The following TECPR2 variants were observed in gnomAD, a reference collection of about 807,000 sequenced individuals.
The protein encoded by TECPR2 is tectonin beta-propeller repeat-containing protein 2.
Under a neutral mutation model 138.1 loss-of-function variants are expected in TECPR2, and 65 were observed. The observed-to-expected ratio is 0.47, with a 90% CI of 0.39 to 0.58. The LOEUF (loss-of-function observed/expected upper bound fraction) is 0.58, where lower values mean the gene tolerates loss of function less well. TECPR2 is among the 20% of genes least tolerant of loss of function. The pLI, the probability that TECPR2 is intolerant of heterozygous loss-of-function variation, is 0.00. For synonymous variants in TECPR2, 746 were observed against 749.8 expected, an observed-to-expected ratio of 0.99 and a Z score of 0.08; for missense variants, 1,553 against 1,824.5, an observed-to-expected ratio of 0.85 and a Z score of 2.71.
At chr14:102,378,005 G>T (rs916257413) in intron 2 of TECPR2, among the ~76,000 whole-genome samples, 1 of 152,214 alleles carries the variant, frequency 6.6e-6, no homozygotes, top group African/African-American at 2.4e-5. Flanking sequence ...GTGTATTGTA[G>T]ATATTGGTGG....
At chr14:102,464,602 C>G (rs1310937036) in intron 16 of TECPR2, among the ~76,000 whole-genome samples, 1 of 152,126 alleles carries the variant, frequency 6.6e-6, no homozygotes, top group East Asian at 1.9e-4. Context: ...CCAAACTGGT[C>G]TTGAACTTCT....
At chr14:102,374,668 G>A (rs1489921749) in intron 1 of TECPR2, among the ~76,000 whole-genome samples, 1 of 152,174 alleles carries the variant, frequency 6.6e-6, no homozygotes, top group Non-Finnish European at 1.5e-5. Context: ...TAGGACTACA[G>A]GCATGTAGCA....
At chr14:102,445,065 C>T (rs1158875061) in intron 12 of TECPR2, among the ~76,000 whole-genome samples, 2 of 152,212 alleles carry the variant, frequency 1.3e-5, no homozygotes, top group Admixed American at 1.3e-4. Context: ...TCATGGGGGC[C>T]CCGTGCATGG....
At chr14:102,417,648 A>G (rs1889061146) in intron 5 of TECPR2, among the ~76,000 whole-genome samples, 1 of 152,232 alleles carries the variant, frequency 6.6e-6, no homozygotes, top group African/African-American at 2.4e-5. Flanking sequence ...CAATTGGGCA[A>G]GAGCTTAGAT....
At chr14:102,398,843 A>G (rs1888389289) in intron 2 of TECPR2, among the ~76,000 whole-genome samples, 1 of 152,112 alleles carries the variant, frequency 6.6e-6, no homozygotes, top group Admixed American at 6.5e-5. Context: ...CTACCGAATG[A>G]GACCCTGTCT....
chr14:102,422,434 T>C (rs1349243798), intron 5 of TECPR2, among the ~76,000 whole-genome samples: 1 of 152,234 alleles, frequency 6.6e-6, no homozygotes, highest in Non-Finnish European at 1.5e-5. Context: ...AGTTGTAGTT[T>C]CTAAGAACCT....
intron 17 of TECPR2, among the ~76,000 whole-genome samples, chr14:102,487,848 T>G (rs1407306750): frequency 7.7e-6 from 1 of 129,268 alleles, no homozygotes; most frequent in African/African-American, 2.8e-5. Flanking sequence ...GCCTGTTTGT[T>G]TTTTTTTTTT....
chr14:102,374,363 CTTTTA>C (rs1237215126), intron 1 of TECPR2, among the ~76,000 whole-genome samples: 2 of 152,030 alleles, frequency 1.3e-5, no homozygotes, highest in African/African-American at 4.8e-5. Flanking sequence ...GCATATTTTC[CTTTTA>C]TTTATTTATT....
At chr14:102,379,033 C>T (rs757301834) in intron 2 of TECPR2, among the ~76,000 whole-genome samples, 39 of 152,158 alleles carry the variant, frequency 2.6e-4, no homozygotes, top group Admixed American at 4.6e-4. Flanking sequence ...AAAACCATTA[C>T]GTAATCTTTC....
At chr14:102,468,227 G>A (rs542812497) in intron 17 of TECPR2, among the ~76,000 whole-genome samples, 1 of 151,956 alleles carries the variant, frequency 6.6e-6, no homozygotes, top group Admixed American at 6.6e-5. Flanking sequence ...TTGCTCTGTC[G>A]CCCAGGCTGG....
chr14:102,497,439 C>T, intron 18 of TECPR2, 131 bp from the exon 19 acceptor site: 2 of 1,274,436 alleles, frequency 1.6e-6, no homozygotes, highest in Non-Finnish European at 2.1e-6. Context: ...GCCCCAAGCC[C>T]AGCCCATCAT....
At chr14:102,399,859 A>G (rs1021992449) in intron 2 of TECPR2, among the ~76,000 whole-genome samples, 1 of 151,778 alleles carries the variant, frequency 6.6e-6, no homozygotes, top group Non-Finnish European at 1.5e-5. Flanking sequence ...AAAAAAAAAG[A>G]AAAAGAAATG....
chr14:102,414,892 G>A (rs1366089914), intron 5 of TECPR2, 99 bp downstream of exon 5: 1 of 1,465,446 alleles, frequency 6.8e-7, no homozygotes, highest in African/African-American at 1.4e-5. Context: ...GAGACCTCCT[G>A]TTTGCAAACC....
chr14:102,470,289 A>G (rs1028515476), intron 17 of TECPR2, among the ~76,000 whole-genome samples: 3 of 149,268 alleles, frequency 2.0e-5, no homozygotes, highest in Non-Finnish European at 3.0e-5. Flanking sequence ...CTCTTTATTC[A>G]TTATAGGTCT....
At position 102,434,338 on chromosome 14, in the gene TECPR2, G is replaced by T; in HGVS notation, c.1521G>T (p.Met507Ile). 1 of 1,464,482 alleles carries T rather than the reference G, an allele frequency of 6.8e-7. No individual in the cohort carries two copies. The highest frequency in any genetic ancestry group is 9.0e-7 in the Non-Finnish European group (1 of 1,105,006). The allele number at this position is 1,464,482 out of a possible 1,614,324, so 90.7% of individuals were successfully genotyped here. The stretch of plus-strand genomic sequence containing the variant: ...CCTTGAACACAGACTTGCTGTCGAT[G>T]ACCTCAAGTGTCCTGGGCAGTAGCG... Reference protein sequence around the residue: ...PQSLNTDLLSMTSSVLGSSVD... With the variant: ...PQSLNTDLLSITSSVLGSSVD... The change falls in exon 9 of 20, where the codon ATG (methionine) becomes ATT (isoleucine). Residue 507 changes from methionine to isoleucine, a missense_variant. Coordinates refer to ENST00000359520, the MANE Select transcript of TECPR2 (RefSeq NM_014844.5).
intron 17 of TECPR2, among the ~76,000 whole-genome samples, chr14:102,487,793 G>A (rs545403190): frequency 2.7e-4 from 41 of 151,130 alleles, no homozygotes; most frequent in African/African-American, 9.7e-4. Flanking sequence ...CGCCCACCTC[G>A]GCCTCCCAAA....
At chr14:102,437,996 G>C (rs1433349666) in intron 9 of TECPR2, 26 bp from the exon 10 acceptor site, 1 of 1,609,146 alleles carries the variant, frequency 6.2e-7, no homozygotes, top group Non-Finnish European at 8.5e-7. Flanking sequence ...CTCTGCCACA[G>C]AACTCACTGG....
At chr14:102,465,530 AAAT>A (rs1348113564) in intron 17 of TECPR2, 10 of 1,216,602 alleles carry the variant, frequency 8.2e-6, no homozygotes, top group South Asian at 7.2e-5. Context: ...TTCTCTTTCA[AAAT>A]AATAATATTT....
intron 17 of TECPR2, among the ~76,000 whole-genome samples, chr14:102,489,703 CAAAA>C (rs35017559): frequency 2.2e-5 from 3 of 134,046 alleles, no homozygotes; most frequent in South Asian, 2.4e-4. Flanking sequence ...AAAACTGTGT[CAAAA>C]AAAAAAAAAA....
Sources: gnomAD v4.1 joint callset for allele counts (sites outside exome capture counted in the v4.1 genomes callset) on GRCh38, gnomAD v4.1.1 for gene constraint, MANE v1.5 for transcripts, NCBI Gene and HGNC (gene_info 2026-07-23, HGNC 2026-07-21) for gene names.